ZRANB3: variants seen among roughly 807,000 people sequenced by gnomAD.
ZRANB3 encodes DNA annealing helicase and endonuclease ZRANB3.
ZRANB3 carries 125 observed loss-of-function variants against 133.8 expected under a neutral mutation model. The observed-to-expected ratio is 0.93, with a 90% CI of 0.81 to 1.08. The LOEUF is 1.08. Among genes scored for constraint, ZRANB3 ranks in the 50% least tolerant of loss-of-function variants. The pLI, the probability that ZRANB3 is intolerant of heterozygous loss-of-function variation, is 0.00. For missense variants in ZRANB3, 1,229 were observed against 1,275.5 expected (o/e 0.96, Z 0.56); for synonymous variants, 387 against 432.7 (o/e 0.89, Z 1.31).
intron 9 of ZRANB3, among the ~76,000 whole-genome samples, chr2:135,274,836 C>T (rs1476474338): frequency 6.6e-6 from 1 of 152,140 alleles, no homozygotes; most frequent in African/African-American, 2.4e-5. Flanking sequence ...TCTTAACGAG[C>T]ATGCTGCCTT....
At chr2:135,355,360 CTTT>C (rs759038417) in intron 3 of ZRANB3, 1,092 of 371,796 alleles carry the variant, frequency 2.9e-3, no homozygotes, top group Non-Finnish European at 3.6e-3. Context: ...AATCACAGAT[CTTT>C]TTTTTTTTTT....
chr2:135,504,573 AAAT>A, intron 1 of ZRANB3, 77 bp from the exon 2 acceptor site: 1 of 1,250,124 alleles, frequency 8.0e-7, no homozygotes, highest in Non-Finnish European at 1.1e-6. Context: ...AATCACATAT[AAAT>A]AATATTAAAG....
chr2:135,262,648 G>A (rs1680020556), intron 12 of ZRANB3, among the ~76,000 whole-genome samples: 1 of 152,058 alleles, frequency 6.6e-6, no homozygotes, highest in East Asian at 1.9e-4. Flanking sequence ...AGAAATGGTA[G>A]CACATGCCTG....
chr2:135,253,369 A>G (rs1679496275), intron 12 of ZRANB3, among the ~76,000 whole-genome samples: 1 of 152,156 alleles, frequency 6.6e-6, no homozygotes, highest in Admixed American at 6.5e-5. Flanking sequence ...TCAGGGGGAG[A>G]AAGCCTGGAC....
chr2:135,306,591 C>CT (rs879814169), intron 8 of ZRANB3, among the ~76,000 whole-genome samples: 1,868 of 112,048 alleles, frequency 0.017, 18 homozygotes, highest in African/African-American at 0.034. Flanking sequence ...CGCACCCGGC[C>CT]TTTTTTTTTT....
At chr2:135,366,081 C>T (rs566609939) in intron 3 of ZRANB3, among the ~76,000 whole-genome samples, 3 of 152,254 alleles carry the variant, frequency 2.0e-5, no homozygotes, top group Admixed American at 1.3e-4. Flanking sequence ...AGGATGCTTT[C>T]GGTTGAACAA....
intron 2 of ZRANB3, among the ~76,000 whole-genome samples, chr2:135,403,190 A>AT (rs1260961309): frequency 6.6e-6 from 1 of 152,204 alleles, no homozygotes; most frequent in East Asian, 1.9e-4. Context: ...GAGTCAGGGA[A>AT]TTCCCTTTTC....
intron 2 of ZRANB3, among the ~76,000 whole-genome samples, chr2:135,400,880 G>A (rs1004378112): frequency 6.6e-6 from 1 of 152,178 alleles, no homozygotes; most frequent in Non-Finnish European, 1.5e-5. Context: ...TTGGCCTACG[G>A]ACAGTAATTT....
chr2:135,419,236 C>T (rs1688730650), intron 2 of ZRANB3, among the ~76,000 whole-genome samples: 1 of 150,740 alleles, frequency 6.6e-6, no homozygotes. Flanking sequence ...CGCACCTAGG[C>T]TTTTTTTTTC....
At chr2:135,327,357 A>G (rs970662763) in intron 6 of ZRANB3, among the ~76,000 whole-genome samples, 2 of 152,162 alleles carry the variant, frequency 1.3e-5, no homozygotes, top group African/African-American at 2.4e-5. Context: ...TTATGTGCTT[A>G]TAAGACATGT....
intron 12 of ZRANB3, among the ~76,000 whole-genome samples, chr2:135,241,917 C>T (rs960105654): frequency 5.3e-5 from 8 of 152,070 alleles, no homozygotes; most frequent in African/African-American, 1.4e-4. Flanking sequence ...TGGTGGCTCA[C>T]GCCTGTAATC....
chr2:135,480,517 A>AT (rs1043474897), intron 2 of ZRANB3, among the ~76,000 whole-genome samples: 5 of 152,196 alleles, frequency 3.3e-5, no homozygotes, highest in African/African-American at 1.2e-4. Flanking sequence ...TTAGGTTGTC[A>AT]TCAAGTGATA....
intron 1 of ZRANB3, 103 bp from the exon 2 acceptor site, chr2:135,504,599 G>T: frequency 9.9e-7 from 1 of 1,011,116 alleles, no homozygotes; most frequent in Non-Finnish European, 1.4e-6. Flanking sequence ...CTTATAAATA[G>T]CTTTGACATA....
intron 8 of ZRANB3, among the ~76,000 whole-genome samples, chr2:135,296,885 A>G (rs889396098): frequency 1.3e-5 from 2 of 152,124 alleles, no homozygotes; most frequent in African/African-American, 4.8e-5. Context: ...GTGGCTGCAG[A>G]ACAACAGATA....
chr2:135,513,920 A>G (rs1236447121), intron 1 of ZRANB3, among the ~76,000 whole-genome samples: 1 of 152,136 alleles, frequency 6.6e-6, no homozygotes, highest in Non-Finnish European at 1.5e-5. Context: ...TGTTTTTGTC[A>G]GGTTTGTCAA....
At chr2:135,342,445 T>C (rs1341579304) in intron 6 of ZRANB3, among the ~76,000 whole-genome samples, 1 of 149,854 alleles carries the variant, frequency 6.7e-6, no homozygotes, top group Non-Finnish European at 1.5e-5. Flanking sequence ...ACATCAGCTG[T>C]AAATAATGAT....
At position 135,485,080 on chromosome 2, in the gene ZRANB3, T is replaced by G. The variant is rs527489538; in HGVS notation, c.161+19249A>C. Among the ~76,000 whole-genome samples the G allele has an allele frequency of 4.6e-5, 7 of 151,728 alleles. No homozygotes were observed. The South Asian group carries it at 1.5e-3, about 32-fold the overall frequency. On this transcript the variant is annotated intron_variant, in intron 2 of 20. Coordinates refer to ENST00000264159, the MANE Select transcript of ZRANB3 (RefSeq NM_032143.4). ...AATAAATATATTTTTAAAACCCCAATAACTGAGGGAGTATACCTAGAAAGA... is the reference window on the plus strand; with the variant it reads ...AATAAATATATTTTTAAAACCCCAAGAACTGAGGGAGTATACCTAGAAAGA...
chr2:135,326,102 T>C (rs1040122624), intron 6 of ZRANB3, among the ~76,000 whole-genome samples: 1 of 152,180 alleles, frequency 6.6e-6, no homozygotes, highest in Admixed American at 6.5e-5. Flanking sequence ...CTATACAAAC[T>C]ACAGGGAAAA....
At chr2:135,493,269 C>A (rs1464866776) in intron 2 of ZRANB3, among the ~76,000 whole-genome samples, 1 of 148,312 alleles carries the variant, frequency 6.7e-6, no homozygotes, top group African/African-American at 2.5e-5. Flanking sequence ...ATAAAAAGCA[C>A]TAACTATAAA....
Sources: gnomAD v4.1 joint callset for allele counts (sites outside exome capture counted in the v4.1 genomes callset) on GRCh38, gnomAD v4.1.1 for gene constraint, MANE v1.5 for transcripts, NCBI Gene and HGNC (gene_info 2026-07-23, HGNC 2026-07-21) for gene names.